PTPN14: variants seen among roughly 807,000 people sequenced by gnomAD.
PTPN14 encodes tyrosine-protein phosphatase non-receptor type 14.
A neutral mutation model predicts 126.8 loss-of-function variants in PTPN14; 53 were observed. The ratio of observed to expected loss-of-function variants is 0.42; its 90% confidence interval spans 0.34 to 0.53. PTPN14 has a LOEUF of 0.53. Ranked by LOEUF, PTPN14 falls within the 20% of genes least tolerant of loss-of-function variation. The probability of loss-of-function intolerance (pLI) is 0.08; values close to 1 mark genes in which losing one functional copy is unlikely to be tolerated. For synonymous variants in PTPN14, 630 were observed against 599.3 expected, an observed-to-expected ratio of 1.05 and a Z score of -0.75; for missense variants, 1,257 against 1,552.9, an observed-to-expected ratio of 0.81 and a Z score of 3.20.
intron 1 of PTPN14, among the ~76,000 whole-genome samples, chr1:214,534,889 A>G (rs1655664041): frequency 6.6e-6 from 1 of 152,090 alleles, no homozygotes; most frequent in East Asian, 1.9e-4. Context: ...ACTTTGGCCA[A>G]TGGGATGTGA....
At chr1:214,417,359 T>A (rs939318405) in intron 3 of PTPN14, among the ~76,000 whole-genome samples, 2 of 152,188 alleles carry the variant, frequency 1.3e-5, no homozygotes, top group African/African-American at 4.8e-5. Flanking sequence ...CAGTGTTATC[T>A]ATTGGGAACT....
intron 1 of PTPN14, among the ~76,000 whole-genome samples, chr1:214,478,188 C>T (rs755131296): frequency 4.6e-5 from 7 of 152,148 alleles, no homozygotes; most frequent in Admixed American, 1.3e-4. Flanking sequence ...CTGCATTCAA[C>T]GTCATTTGTA....
At chr1:214,501,047 C>T (rs1468037305) in intron 1 of PTPN14, among the ~76,000 whole-genome samples, 1 of 152,140 alleles carries the variant, frequency 6.6e-6, no homozygotes, top group Non-Finnish European at 1.5e-5. Context: ...ATGTATTCTT[C>T]ATTGATAGGC....
At chr1:214,544,244 C>T (rs1254196135) in intron 1 of PTPN14, among the ~76,000 whole-genome samples, 3 of 151,434 alleles carry the variant, frequency 2.0e-5, no homozygotes, top group Non-Finnish European at 4.4e-5. Flanking sequence ...TGGGTTTGAA[C>T]ATAGGGAGAC....
chr1:214,532,298 C>T, intron 1 of PTPN14: 1 of 488,378 alleles, frequency 2.0e-6, no homozygotes, highest in South Asian at 1.9e-5. Context: ...ATGCACGTGC[C>T]AGGGGCTCTG....
chr1:214,401,615 C>A (rs1282733130), intron 7 of PTPN14, 70 bp downstream of exon 7: 6 of 1,353,486 alleles, frequency 4.4e-6, no homozygotes. Flanking sequence ...CCACTGCTAT[C>A]AACAATGGTT....
At chr1:214,511,014 C>G (rs1393775791) in intron 1 of PTPN14, among the ~76,000 whole-genome samples, 7 of 151,988 alleles carry the variant, frequency 4.6e-5, no homozygotes, top group Non-Finnish European at 1.0e-4. Flanking sequence ...GTATCCGTGA[C>G]TACAGGCACA....
chr1:214,508,331 C>G (rs1654892083), intron 1 of PTPN14, among the ~76,000 whole-genome samples: 1 of 152,180 alleles, frequency 6.6e-6, no homozygotes, highest in African/African-American at 2.4e-5. Context: ...TATTCTAAAT[C>G]CTTTCTTGTC....
chr1:214,372,449 T>C (rs960207962), intron 16 of PTPN14: 32 of 430,146 alleles, frequency 7.4e-5, no homozygotes, highest in Middle Eastern at 6.9e-4. Flanking sequence ...TTATTTTCAG[T>C]TTAGTGCATT....
At chr1:214,538,646 A>C (rs1460698215) in intron 1 of PTPN14, among the ~76,000 whole-genome samples, 1 of 152,200 alleles carries the variant, frequency 6.6e-6, no homozygotes, top group Non-Finnish European at 1.5e-5. Flanking sequence ...GGCAGCTATT[A>C]ATAAAATAAT....
chr1:214,477,131 GA>G (rs1160207098), intron 1 of PTPN14, among the ~76,000 whole-genome samples: 2 of 152,170 alleles, frequency 1.3e-5, no homozygotes, highest in African/African-American at 4.8e-5. Flanking sequence ...CCACTCCAGT[GA>G]ATCAGTACAA....
intron 2 of PTPN14, among the ~76,000 whole-genome samples, chr1:214,459,392 A>T (rs888830949): frequency 2.0e-5 from 3 of 150,694 alleles, no homozygotes; most frequent in Admixed American, 2.0e-4. Flanking sequence ...ACTTCAGGCG[A>T]TCTGCCCGCC....
At chr1:214,507,764 A>G (rs556776231) in intron 1 of PTPN14, among the ~76,000 whole-genome samples, 1 of 152,204 alleles carries the variant, frequency 6.6e-6, no homozygotes, top group Non-Finnish European at 1.5e-5. Flanking sequence ...AGTGCATATA[A>G]AAGTTATGTT....
chr1:214,509,461 C>T (rs189291873), intron 1 of PTPN14, among the ~76,000 whole-genome samples: 1 of 152,326 alleles, frequency 6.6e-6, no homozygotes, highest in East Asian at 1.9e-4. Context: ...CGGGATTAGG[C>T]TTTGGCTTAA....
At chr1:214,505,327 C>T (rs1654813488) in intron 1 of PTPN14, among the ~76,000 whole-genome samples, 1 of 152,144 alleles carries the variant, frequency 6.6e-6, no homozygotes, top group African/African-American at 2.4e-5. Flanking sequence ...ACATCTCGAG[C>T]AGGGGACTAC....
chr1:214,513,081 G>A (rs1214690358), intron 1 of PTPN14, among the ~76,000 whole-genome samples: 1 of 152,046 alleles, frequency 6.6e-6, no homozygotes, highest in East Asian at 1.9e-4. Context: ...AACCTTTGAA[G>A]TACACATGGT....
intron 1 of PTPN14, among the ~76,000 whole-genome samples, chr1:214,533,662 T>C (rs1425771857): frequency 1.3e-5 from 2 of 151,624 alleles, no homozygotes; most frequent in Non-Finnish European, 2.9e-5. Flanking sequence ...AAACCCCATC[T>C]CTACTAAAAA....
chr1:214,433,949 CACAAAA>C (rs1366282682), intron 3 of PTPN14, among the ~76,000 whole-genome samples: 74 of 68,588 alleles, frequency 1.1e-3, no homozygotes, highest in South Asian at 2.7e-3. Context: ...CACACACACA[CACAAAA>C]AAAAAAAAAA....
intron 1 of PTPN14, among the ~76,000 whole-genome samples, chr1:214,494,301 A>G (rs1661313801): frequency 6.6e-6 from 1 of 151,942 alleles, no homozygotes; most frequent in East Asian, 1.9e-4. Flanking sequence ...TGACCTTGTG[A>G]TCCGCCCGCC....
Sources: gnomAD v4.1 joint callset for allele counts (sites outside exome capture counted in the v4.1 genomes callset) on GRCh38, gnomAD v4.1.1 for gene constraint, MANE v1.5 for transcripts, NCBI Gene and HGNC (gene_info 2026-07-23, HGNC 2026-07-21) for gene names.